Variants in PATJ observed in about 807,000 individuals in gnomAD.
PATJ encodes the protein inaD-like protein.
Under a neutral mutation model 224.9 loss-of-function variants are expected in PATJ, and 190 were observed. The observed-to-expected ratio is 0.84, with a 90% CI of 0.75 to 0.95. The LOEUF is 0.95. Among genes scored for constraint, PATJ ranks in the 40% least tolerant of loss-of-function variants. PATJ has a pLI of 0.00. For synonymous variants in PATJ, 769 were observed against 820.3 expected (o/e 0.94, Z 1.07); for missense variants, 2,121 against 2,270.3 (o/e 0.93, Z 1.34).
intron 27 of PATJ, among the ~76,000 whole-genome samples, chr1:61,987,824 C>T (rs1327465613): frequency 1.3e-5 from 2 of 152,168 alleles, no homozygotes; most frequent in Non-Finnish European, 2.9e-5. Context: ...AATCAAATTC[C>T]ATACCTTACT....
chr1:62,047,525 C>T (rs1652783854), intron 30 of PATJ, among the ~76,000 whole-genome samples: 1 of 152,178 alleles, frequency 6.6e-6, no homozygotes, highest in Non-Finnish European at 1.5e-5. Context: ...GCTGGGATTA[C>T]AGGCGTGAGC....
At chr1:61,944,027 T>A (rs1217143225) in intron 27 of PATJ, among the ~76,000 whole-genome samples, 1 of 152,028 alleles carries the variant, frequency 6.6e-6, no homozygotes, top group Non-Finnish European at 1.5e-5. Flanking sequence ...GAAGGAAAAC[T>A]AACAAACAGA....
intron 5 of PATJ, among the ~76,000 whole-genome samples, chr1:61,769,679 G>C (rs1294249141): frequency 6.6e-6 from 1 of 152,156 alleles, no homozygotes; most frequent in East Asian, 1.9e-4. Context: ...TCAACCTATA[G>C]TCACAGAGCT....
rs554459295 is a variant in PATJ at position 61,769,274 on chromosome 1, C to T, written c.385-9C>T. ...CCATTGACTTTTTTTTTTAACGCTCCTTCATTAGGGCCGGCAAATTGAATA... is the reference window on the plus strand; with the variant it reads ...CCATTGACTTTTTTTTTTAACGCTCTTTCATTAGGGCCGGCAAATTGAATA... On this transcript the variant is annotated splice_polypyrimidine_tract_variant and intron_variant, in intron 4 of 43. Coordinates refer to ENST00000642238, the MANE Select transcript of PATJ (RefSeq NM_001350145.3). The T allele has an allele frequency of 5.2e-4, 833 of 1,593,200 alleles. 18 individuals carry two copies. The South Asian group carries it at 9.0e-3, about 17-fold the overall frequency.
At chr1:61,897,144 T>C (rs1397027875) in intron 22 of PATJ, among the ~76,000 whole-genome samples, 1 of 152,224 alleles carries the variant, frequency 6.6e-6, no homozygotes, top group Non-Finnish European at 1.5e-5. Context: ...GAAATGAATA[T>C]TGGTTGAGCC....
At chr1:61,989,451 C>G (rs929361813) in intron 27 of PATJ, among the ~76,000 whole-genome samples, 2 of 152,118 alleles carry the variant, frequency 1.3e-5, no homozygotes, top group Non-Finnish European at 2.9e-5. Flanking sequence ...TGCTTTTGCT[C>G]CCATAACCCA....
intron 29 of PATJ, among the ~76,000 whole-genome samples, chr1:62,029,620 A>G (rs528743878): frequency 1.3e-4 from 20 of 152,368 alleles, no homozygotes; most frequent in Admixed American, 3.9e-4. Flanking sequence ...ATCCAAAAAT[A>G]CAGTGAAATA....
Position 61,775,273 on chromosome 1 carries a change from T to C in PATJ, c.788T>C (p.Val263Ala), listed in dbSNP as rs143575586. 2 of 1,613,786 alleles carry C rather than the reference T, an allele frequency of 1.2e-6. No homozygotes were observed. Among genetic ancestry groups the C allele is most frequent in the African/African-American group, 1.3e-5 (1 of 74,894 alleles). The change falls in exon 7 of 44, where the codon GTT becomes GCT. Residue 263 changes from valine (V) to alanine (A), a missense_variant. By Grantham distance (64) the Val-to-Ala change is moderately conservative. Transcript: ENST00000642238. ...NDGSGLGFGIVGGKTSGVVVR... is the reference protein window; with the variant it reads ...NDGSGLGFGIAGGKTSGVVVR... ...GGCTCTGGACTAGGTTTTGGAATAG[T>C]TGGAGGAAAAACAAGTGGCGTGGTT... is the stretch of plus-strand genomic sequence containing the variant.
At chr1:62,158,220 T>TA (rs1570873638) in intron 43 of PATJ, among the ~76,000 whole-genome samples, 1 of 149,762 alleles carries the variant, frequency 6.7e-6, no homozygotes, top group East Asian at 1.9e-4. Context: ...ATTTCTTTTT[T>TA]ACCTTTTTCC....
intron 34 of PATJ, among the ~76,000 whole-genome samples, chr1:62,109,320 A>C (rs147496170): frequency 1.2e-4 from 19 of 152,210 alleles, no homozygotes; most frequent in African/African-American, 3.6e-4. Context: ...GACATCATAG[A>C]ATTTTATTTT....
At chr1:61,879,831 C>CT (rs1313671082) in intron 21 of PATJ, among the ~76,000 whole-genome samples, 6 of 123,876 alleles carry the variant, frequency 4.8e-5, no homozygotes. Context: ...ACTACTCCAT[C>CT]TATTTTTTTT....
At chr1:61,799,851 C>G (rs1037099543) in intron 11 of PATJ, among the ~76,000 whole-genome samples, 1 of 152,168 alleles carries the variant, frequency 6.6e-6, no homozygotes, top group African/African-American at 2.4e-5. Flanking sequence ...TGGCCTCCAG[C>G]ACCATTCATG....
chr1:61,758,068 C>T (rs1645751074), intron 1 of PATJ, among the ~76,000 whole-genome samples: 1 of 152,186 alleles, frequency 6.6e-6, no homozygotes, highest in South Asian at 2.1e-4. Flanking sequence ...GGATTAACTT[C>T]TCTGTGTTAA....
intron 14 of PATJ, among the ~76,000 whole-genome samples, chr1:61,815,969 C>T (rs572374275): frequency 1.6e-4 from 25 of 152,248 alleles, no homozygotes; most frequent in African/African-American, 6.0e-4. Flanking sequence ...ATTCTAGTGA[C>T]CTTTCTGCTG....
intron 26 of PATJ, among the ~76,000 whole-genome samples, chr1:61,919,178 A>G (rs1673908864): frequency 6.6e-6 from 1 of 151,672 alleles, no homozygotes; most frequent in South Asian, 2.1e-4. Flanking sequence ...TCATCTTTAT[A>G]TTGCCTTACT....
intron 34 of PATJ, among the ~76,000 whole-genome samples, chr1:62,110,118 C>G (rs1663619629): frequency 6.6e-6 from 1 of 152,174 alleles, no homozygotes; most frequent in African/African-American, 2.4e-5. Flanking sequence ...GAATGGATGG[C>G]CTATACGTCT....
chr1:61,841,444 T>TATATATA (rs1362461657), intron 17 of PATJ, among the ~76,000 whole-genome samples: 2 of 152,136 alleles, frequency 1.3e-5, no homozygotes, highest in African/African-American at 4.8e-5. Flanking sequence ...GTATATAGAG[T>TATATATA]GGTAACACTA....
chr1:62,102,966 A>T, intron 33 of PATJ, among the ~76,000 whole-genome samples: 1 of 151,780 alleles, frequency 6.6e-6, no homozygotes. Flanking sequence ...ACCCCTAACC[A>T]TGTGCCAGCA....
chr1:62,134,693 C>T (rs1003901125), intron 41 of PATJ, among the ~76,000 whole-genome samples: 3 of 152,072 alleles, frequency 2.0e-5, no homozygotes, highest in Non-Finnish European at 2.9e-5. Flanking sequence ...AACTCTCCAT[C>T]GAAGAATAGG....
Sources: gnomAD v4.1 joint callset for allele counts (sites outside exome capture counted in the v4.1 genomes callset) on GRCh38, gnomAD v4.1.1 for gene constraint, MANE v1.5 for transcripts, NCBI Gene and HGNC (gene_info 2026-07-23, HGNC 2026-07-21) for gene names.